Variants in MROH1 observed in about 807,000 individuals in gnomAD.
The protein encoded by MROH1 is maestro heat like repeat family member 1, also known as maestro heat-like repeat-containing protein family member 1.
In MROH1, 117 loss-of-function variants were observed where a neutral mutation model predicts 116.5. That is an observed-to-expected ratio of 1.00 (90% CI 0.86 to 1.17). The LOEUF (loss-of-function observed/expected upper bound fraction) is 1.17. Among genes scored for constraint, MROH1 ranks in the 50% most tolerant of loss-of-function variants. MROH1 has a pLI of 0.00. For missense variants in MROH1, 1,873 were observed against 1,338.5 expected, an observed-to-expected ratio of 1.40 and a Z score of -6.23; for synonymous variants, 921 against 583.9, an observed-to-expected ratio of 1.58 and a Z score of -8.32.
rs1424982551 is a variant in MROH1 at position 144,180,817 on chromosome 8, C to T, written c.562+294C>T. The stretch of plus-strand genomic sequence containing the variant: ...GGAAGAGACTTCCTCGAAGCCATGA[C>T]TTTTTGTTTTCCTCCCCACTCCAGG... On this transcript the variant is annotated intron_variant, in intron 7 of 43. Transcript: ENST00000326134. This position sits in a 1 kb window ranked among gnomAD's most constrained non-coding sequence, Gnocchi z 7.4. Among the ~76,000 whole-genome samples the T allele has an allele frequency of 6.6e-6, 1 of 152,138 alleles. No homozygotes were observed. Among genetic ancestry groups the T allele is most frequent in the East Asian group, 1.9e-4 (1 of 5,184 alleles).
chr8:144,151,589 C>T (rs985883590), intron 1 of MROH1, among the ~76,000 whole-genome samples: 19 of 152,270 alleles, frequency 1.2e-4, no homozygotes, highest in Middle Eastern at 6.8e-3. Context: ...AGGTGTGATC[C>T]GACTCTGCCG....
intron 35 of MROH1, among the ~76,000 whole-genome samples, chr8:144,255,926 C>T (rs1024482589): frequency 2.6e-5 from 4 of 152,254 alleles, no homozygotes; most frequent in African/African-American, 9.6e-5. Flanking sequence ...TCCCTCCTCG[C>T]CTCTGCGGGC....
intron 13 of MROH1, among the ~76,000 whole-genome samples, chr8:144,222,491 C>T (rs1205723128): frequency 6.6e-6 from 1 of 152,132 alleles, no homozygotes; most frequent in East Asian, 1.9e-4. Context: ...AAAGCAGACA[C>T]AGGCGCAGGT....
At chr8:144,215,790 G>A (rs1003228952) in intron 12 of MROH1, among the ~76,000 whole-genome samples, 10 of 151,196 alleles carry the variant, frequency 6.6e-5, no homozygotes, top group Admixed American at 2.6e-4. Context: ...GGAGAATGGC[G>A]TGAACCTGGG....
At chr8:144,162,232 G>C (rs1450102338) in intron 2 of MROH1, among the ~76,000 whole-genome samples, 1 of 151,360 alleles carries the variant, frequency 6.6e-6, no homozygotes, top group Non-Finnish European at 1.5e-5. Flanking sequence ...TTACAGGCAC[G>C]CGCCACCACA....
chr8:144,261,303 G>T lies in MROH1; in HGVS notation c.4794G>T (p.Ser1598=). The T allele has an allele frequency of 1.4e-6, 1 of 730,622 alleles. No individual in the cohort carries two copies. Among genetic ancestry groups the T allele is most frequent in the Non-Finnish European group, 2.5e-6 (1 of 402,544 alleles). 45.3% of individuals were successfully genotyped at this position (730,622 alleles called of 1,614,324 possible). ...TCACAGGGTTCCTGGTGCTGCACTC[G>T]GAGCCCAGGCAGCAGCCGCAGGTGG... ...PLFTGFLVLH[S]EPRQQPQVDL... is the part of the protein sequence containing the mutation. Residue 1598 remains serine (S), a synonymous_variant, in exon 43 of 44, where the codon TCG becomes TCT. Transcript: ENST00000326134.
In MROH1 at chr8:144,259,911, C is replaced by T. The variant is rs1844680501; in HGVS notation, c.4045C>T (p.Leu1349=). 1 of 735,878 alleles carries T rather than the reference C, an allele frequency of 1.4e-6. No individual in the cohort carries two copies. The highest frequency in any genetic ancestry group is 2.5e-6 in the Non-Finnish European group (1 of 396,018). 45.6% of individuals were successfully genotyped at this position (735,878 alleles called of 1,614,324 possible). A position where few individuals can be genotyped will look rare whatever the true frequency, so the allele number is the denominator to read the frequency against. ...GAAGTCACAGCACCTCTGCCTGCAG[C>T]TGCTGAACAGCAACGTGGCCAACGA... The part of the protein sequence containing the change: ...RVTTTAFLAE[L]LNSNVANDLM... Residue 1349 remains leucine (L), a splice_region_variant and synonymous_variant, in exon 38 of 44, where the codon CTG becomes TTG. Transcript: ENST00000326134.
At chr8:144,257,895 G>A (rs1844202153) in intron 35 of MROH1, among the ~76,000 whole-genome samples, 1 of 152,256 alleles carries the variant, frequency 6.6e-6, no homozygotes, top group Non-Finnish European at 1.5e-5. Flanking sequence ...GGTGCTCGAG[G>A]GCAGCGGAAA....
chr8:144,200,535 T>A lies in MROH1; in HGVS notation c.1135T>A (p.Ser379Thr). Residue 379 changes from serine (S) to threonine (T), a missense_variant, in exon 12 of 44, where the codon TCA (serine) becomes ACA (threonine). Transcript: ENST00000326134. ...GCAGGTGGTCAGACATGTCATCAAC[T>A]CAGCTGGTGAGTGCCTCCATGCTAG... ...TLQVVRHVIN[S>T]AAAQMEDKKP... is the part of the protein sequence containing the mutation. 1 of 1,550,166 alleles carries A rather than the reference T, an allele frequency of 6.5e-7. No individual in the cohort carries two copies.
chr8:144,165,379 A>G (rs1186238950), intron 3 of MROH1, among the ~76,000 whole-genome samples: 2 of 151,766 alleles, frequency 1.3e-5, no homozygotes, highest in Admixed American at 1.3e-4. Context: ...TCGGCCTCCT[A>G]AAGTGCTGAG....
At chr8:144,188,904 AG>A (rs1313063598) in intron 7 of MROH1, among the ~76,000 whole-genome samples, 1 of 152,200 alleles carries the variant, frequency 6.6e-6, no homozygotes, top group Non-Finnish European at 1.5e-5. Flanking sequence ...AGATGTGGGA[AG>A]AACTGCTAGG....
intron 4 of MROH1, among the ~76,000 whole-genome samples, chr8:144,176,022 C>A (rs1051898442): frequency 2.0e-5 from 3 of 152,068 alleles, no homozygotes; most frequent in Non-Finnish European, 4.4e-5. Flanking sequence ...GCACTCCAAC[C>A]TGGGTGACAG....
rs972296541 is a variant in MROH1, at chr8:144,206,378, A to T, written c.1141+5837A>T. Among the ~76,000 whole-genome samples, 138 of 151,696 alleles carry T rather than the reference A, an allele frequency of 9.1e-4. 1 individual carries two copies. Among genetic ancestry groups the T allele is most frequent in the Non-Finnish European group, 1.5e-3 (101 of 67,930 alleles). Reference sequence around the variant, plus strand: ...GTATTCTGTTACATTTTCTGAATTTAAAAGTTATTTGTTTTCCTGTTAACA... The same window carrying T: ...GTATTCTGTTACATTTTCTGAATTTTAAAGTTATTTGTTTTCCTGTTAACA... On this transcript the variant is annotated intron_variant, in intron 12 of 43. Transcript: ENST00000326134.
chr8:144,214,286 AC>A (rs1588230147), intron 12 of MROH1: 1 of 152,118 alleles, frequency 6.6e-6, no homozygotes, highest in Non-Finnish European at 1.5e-5. Flanking sequence ...CCAGTGCAGC[AC>A]CCCCATGAAT....
chr8:144,202,017 CCAA>C lies in MROH1; in HGVS notation c.1141+1477_1141+1479del, dbSNP rs1219896938. ...TGGACAACAGAGTGAGACTCCGTCT[CCAA>C]AAAAAAAAAAAAAAAGAGAAAGCAG... On this transcript the variant is annotated intron_variant, in intron 12 of 43. Transcript: ENST00000326134. 1.9e-4 allele frequency among the ~76,000 whole-genome samples: 10 copies of C among 52,794 alleles called. 1 individual carries two copies. Among genetic ancestry groups the C allele is most frequent in the African/African-American group, 2.5e-4 (4 of 16,300 alleles). 34.6% of individuals were successfully genotyped at this position (52,794 alleles called of 152,430 possible).
intron 14 of MROH1, among the ~76,000 whole-genome samples, chr8:144,228,714 G>A (rs1235013805): frequency 1.3e-5 from 2 of 152,110 alleles, no homozygotes; most frequent in Admixed American, 1.3e-4. Context: ...CACCCGCCTC[G>A]GCCTCCCAAA....
rs901990271 is a variant in MROH1 at position 144,242,441 on chromosome 8, G to A, written c.2251G>A (p.Ala751Thr). 30 of 780,560 alleles carry A rather than the reference G, an allele frequency of 3.8e-5. No individual in the cohort carries two copies. Among genetic ancestry groups the A allele is most frequent in the Non-Finnish European group, 5.7e-5 (24 of 417,828 alleles). The allele number at this position is 780,560 out of a possible 1,614,324, so 48.4% of individuals were successfully genotyped here. ...GTGCTATGGGCACGTGGCGGCCCGG[G>A]CCCCCCGGGAGCTGGTGCTGGCCAA... Reference protein sequence around the residue: ...ILCYGHVAARAPRELVLAKVE... With the variant: ...ILCYGHVAARTPRELVLAKVE... Residue 751 changes from alanine to threonine, a missense_variant, in exon 23 of 44, where the codon GCC becomes ACC. Physicochemically the swap from Ala to Thr is moderately conservative, Grantham distance 58 (BLOSUM62 0). Transcript: ENST00000326134.
chr8:144,190,638 TC>T, intron 7 of MROH1, 145 bp from the exon 8 acceptor site: 1 of 910,074 alleles, frequency 1.1e-6, no homozygotes, highest in Non-Finnish European at 1.7e-6. Flanking sequence ...TCCTGTGTAG[TC>T]CTGGAGTTGT....
rs2133253951 is a variant in MROH1 at position 144,254,936 on chromosome 8, G to A, written c.3552G>A (p.Leu1184=). Residue 1184 remains leucine, a synonymous_variant, in exon 34 of 44, where the codon CTG becomes CTA. Coordinates refer to ENST00000326134, the MANE Select transcript of MROH1 (RefSeq NM_032450.3). ...TCAAGGAGAGCCGGGCCTTCCTGCT[G>A]GGCCGCACCCCAGACCGCGTGGCCA... ...VPFKESRAFL[L]GRTPDRVATL... The A allele has an allele frequency of 3.9e-6, 3 of 775,722 alleles. No individual in the cohort carries two copies. Among genetic ancestry groups the A allele is most frequent in the Non-Finnish European group, 7.2e-6 (3 of 416,800 alleles). 48.1% of individuals were successfully genotyped at this position (775,722 alleles called of 1,614,324 possible).
Sources: gnomAD v4.1 joint callset for allele counts (sites outside exome capture counted in the v4.1 genomes callset) on GRCh38, gnomAD v4.1.1 for gene constraint, Gnocchi (gnomAD v3.1) non-coding constraint, MANE v1.5 for transcripts, NCBI Gene and HGNC (gene_info 2026-07-23, HGNC 2026-07-21) for gene names.